CDH12: variants seen among roughly 807,000 people sequenced by gnomAD.
The protein encoded by CDH12 is cadherin-12.
Under a neutral mutation model 74.1 loss-of-function variants are expected in CDH12, and 41 were observed. The observed-to-expected ratio is 0.55, with a 90% CI of 0.43 to 0.72. The LOEUF (loss-of-function observed/expected upper bound fraction) is 0.72, where lower values mean the gene tolerates loss of function less well. Ranked by LOEUF, CDH12 falls within the 30% of genes least tolerant of loss-of-function variation. The pLI is 0.00. For missense variants in CDH12, 945 were observed against 977.2 expected, an observed-to-expected ratio of 0.97 and a Z score of 0.44; for synonymous variants, 399 against 355.0, an observed-to-expected ratio of 1.12 and a Z score of -1.39.
In CDH12 at chr5:22,101,168, T is replaced by C. The variant is rs142138604; in HGVS notation, c.-186-22306A>G. Among the ~76,000 whole-genome samples the C allele has an allele frequency of 3.1e-3, 468 of 152,228 alleles. 2 individuals carry two copies. Among genetic ancestry groups the C allele is most frequent in the African/African-American group, 0.01 (436 of 41,552 alleles). On this transcript the variant is annotated intron_variant, in intron 4 of 14. Transcript: ENST00000382254. The stretch of plus-strand genomic sequence containing the variant: ...CATTTCTTCAGCATGCAAATATTTA[T>C]TGGGTGCCTCATATTATCTAGGAAC...
At chr5:22,586,231 C>T (rs1034853398) in intron 1 of CDH12, among the ~76,000 whole-genome samples, 2 of 152,014 alleles carry the variant, frequency 1.3e-5, no homozygotes, top group African/African-American at 2.4e-5. Flanking sequence ...TCAGCAAACT[C>T]GCAAGGACAA....
intron 3 of CDH12, among the ~76,000 whole-genome samples, chr5:22,344,678 C>G (rs1740034019): frequency 2.6e-5 from 4 of 151,850 alleles, no homozygotes; most frequent in African/African-American, 9.7e-5. Context: ...TTCTCTGACT[C>G]TAAAGCCTTC....
intron 6 of CDH12, among the ~76,000 whole-genome samples, chr5:21,894,118 C>T (rs1367433783): frequency 2.6e-5 from 4 of 152,100 alleles, no homozygotes; most frequent in Non-Finnish European, 5.9e-5. Context: ...GCGGTTCATG[C>T]CTGTAATCCC....
chr5:21,859,413 G>A (rs1171054819), intron 6 of CDH12, among the ~76,000 whole-genome samples: 2 of 151,828 alleles, frequency 1.3e-5, no homozygotes, highest in African/African-American at 4.8e-5. Context: ...ACAGCATGGG[G>A]GAAACCGCCT....
In CDH12 at chr5:22,494,822, T is replaced by C. The variant is rs10941957; in HGVS notation, c.-428+10448A>G. Among the ~76,000 whole-genome samples, 342 of 152,296 alleles carry C rather than the reference T, an allele frequency of 2.2e-3. 2 individuals are homozygous for C. The highest frequency in any genetic ancestry group is 7.9e-3 in the African/African-American group (328 of 41,552). On this transcript the variant is annotated intron_variant, in intron 2 of 14. Coordinates refer to ENST00000382254, the MANE Select transcript of CDH12 (RefSeq NM_004061.5). ...TATAACTAGAATTACCTTATGCTGC[T>C]CAGCAAACACAAGGAGTACTCTGTG...
At chr5:21,863,572 C>A (rs572540629) in intron 6 of CDH12, among the ~76,000 whole-genome samples, 1 of 152,184 alleles carries the variant, frequency 6.6e-6, no homozygotes, top group South Asian at 2.1e-4. Flanking sequence ...GACTTTTACA[C>A]AGAAAAGACA....
intron 3 of CDH12, among the ~76,000 whole-genome samples, chr5:22,330,695 G>A (rs545674742): frequency 6.8e-6 from 1 of 146,052 alleles, no homozygotes; most frequent in South Asian, 2.2e-4. Flanking sequence ...AGGTAGCAGT[G>A]AGCCGAGATC....
intron 8 of CDH12, among the ~76,000 whole-genome samples, chr5:21,826,302 C>A (rs559500460): frequency 6.6e-6 from 1 of 152,256 alleles, no homozygotes. Context: ...CTTGCCATGC[C>A]TAGATGAAGA....
intron 11 of CDH12, among the ~76,000 whole-genome samples, chr5:21,770,856 T>G (rs901654505): frequency 6.6e-6 from 1 of 152,068 alleles, no homozygotes; most frequent in Non-Finnish European, 1.5e-5. Flanking sequence ...GTGGCACATA[T>G]ACATAATGGA....
At chr5:22,689,923 A>G (rs1741996127) in intron 1 of CDH12, among the ~76,000 whole-genome samples, 1 of 152,064 alleles carries the variant, frequency 6.6e-6, no homozygotes, top group African/African-American at 2.4e-5. Flanking sequence ...AATACATGAA[A>G]GAAGAGGAAA....
At chr5:22,670,959 A>G (rs1740870289) in intron 1 of CDH12, among the ~76,000 whole-genome samples, 2 of 152,084 alleles carry the variant, frequency 1.3e-5, no homozygotes, top group African/African-American at 4.8e-5. Context: ...TGCATATCTA[A>G]AATTAATGTA....
At chr5:21,905,242 G>A (rs1753584495) in intron 6 of CDH12, among the ~76,000 whole-genome samples, 2 of 152,286 alleles carry the variant, frequency 1.3e-5, no homozygotes, top group East Asian at 1.9e-4. Flanking sequence ...TCAAAGTTGT[G>A]TTTTTAAAAC....
At chr5:22,839,964 C>T (rs865881399) in intron 1 of CDH12, among the ~76,000 whole-genome samples, 24 of 152,192 alleles carry the variant, frequency 1.6e-4, no homozygotes, top group South Asian at 1.5e-3. Flanking sequence ...TTGTCAAGTG[C>T]GATTGAAACC....
At chr5:22,562,930 A>G (rs905600022) in intron 1 of CDH12, among the ~76,000 whole-genome samples, 1 of 147,968 alleles carries the variant, frequency 6.8e-6, no homozygotes, top group Admixed American at 6.8e-5. Flanking sequence ...CAACATCTAA[A>G]TTTATATTTT....
intron 8 of CDH12, among the ~76,000 whole-genome samples, chr5:21,822,146 G>C (rs1748403585): frequency 6.9e-6 from 1 of 145,820 alleles, no homozygotes; most frequent in South Asian, 2.2e-4. Flanking sequence ...CTACTTTATA[G>C]ATTTGTTTTT....
chr5:21,983,554 T>G (rs1459221464), intron 5 of CDH12, among the ~76,000 whole-genome samples: 1 of 152,156 alleles, frequency 6.6e-6, no homozygotes, highest in Non-Finnish European at 1.5e-5. Context: ...TTATGTTTCC[T>G]ATTTGAGATT....
intron 3 of CDH12, among the ~76,000 whole-genome samples, chr5:22,383,564 G>A (rs1003941403): frequency 2.0e-5 from 3 of 152,174 alleles, no homozygotes; most frequent in African/African-American, 7.2e-5. Flanking sequence ...TTGGAGAAAA[G>A]GAAAAACGTT....
At chr5:22,109,438 T>C (rs1271962133) in intron 4 of CDH12, among the ~76,000 whole-genome samples, 1 of 152,178 alleles carries the variant, frequency 6.6e-6, no homozygotes, top group Non-Finnish European at 1.5e-5. Context: ...CATCACCTTA[T>C]GGGATTTCAG....
At chr5:21,842,692 A>G (rs1197664682) in intron 7 of CDH12, among the ~76,000 whole-genome samples, 1 of 152,170 alleles carries the variant, frequency 6.6e-6, no homozygotes, top group African/African-American at 2.4e-5. Context: ...TATAAATACA[A>G]AAAATGCGAA....
Sources: allele counts gnomAD v4.1 joint callset (sites outside exome capture counted in the v4.1 genomes callset), GRCh38; gene constraint gnomAD v4.1.1; transcripts MANE v1.5; gene names NCBI Gene and HGNC (gene_info 2026-07-23, HGNC 2026-07-21).